Variants in MAST2 observed in about 807,000 individuals in gnomAD.
MAST2 encodes microtubule associated serine/threonine kinase 2, also known as microtubule-associated serine/threonine-protein kinase 2.
A neutral mutation model predicts 147.4 loss-of-function variants in MAST2; 70 were observed. The observed-to-expected ratio is 0.47, with a 90% CI of 0.39 to 0.58. MAST2 has a LOEUF of 0.58. Ranked by LOEUF, MAST2 falls within the 20% of genes least tolerant of loss-of-function variation. The pLI is 0.00. For synonymous variants in MAST2, 869 were observed against 896.8 expected, an observed-to-expected ratio of 0.97 and a Z score of 0.55; for missense variants, 2,080 against 2,302.3, an observed-to-expected ratio of 0.90 and a Z score of 1.98.
At chr1:45,866,465 A>T (rs530170398) in intron 3 of MAST2, among the ~76,000 whole-genome samples, 1 of 152,288 alleles carries the variant, frequency 6.6e-6, no homozygotes, top group South Asian at 2.1e-4. Flanking sequence ...ATTTAGTTGC[A>T]CTGCTTATTT....
At chr1:45,905,991 G>A (rs1650658910) in intron 4 of MAST2, among the ~76,000 whole-genome samples, 1 of 152,156 alleles carries the variant, frequency 6.6e-6, no homozygotes, top group South Asian at 2.1e-4. Flanking sequence ...ATTTTATTGA[G>A]TGTATACTGG....
In MAST2 at chr1:46,030,706, G is replaced by A. The variant is rs371392889; in HGVS notation, c.2653G>A (p.Gly885Ser). ...TGAGGAGAAGGAGGACCATTCAGAT[G>A]GCCTGGCAGGGCTCAAAGGCCGAGA... ...LSEEKEDHSD[G>S]LAGLKGRDRS... The change falls in exon 22 of 29, where the codon GGC (glycine) becomes AGC (serine). Residue 885 changes from glycine (G) to serine (S), a missense_variant. This residue lies in a region of MAST2 where 1,278 missense variants were observed against 1,304.2 expected (regional missense o/e 0.98). Transcript: ENST00000361297. 1 of 1,603,616 alleles carries A rather than the reference G, an allele frequency of 6.2e-7. No individual in the cohort carries two copies. Among genetic ancestry groups the A allele is most frequent in the East Asian group, 2.2e-5 (1 of 44,718 alleles).
At position 46,030,204 on chromosome 1, in the gene MAST2, G is replaced by A. The variant is rs771373233; in HGVS notation, c.2519G>A (p.Arg840His). The part of the protein sequence containing the change: ...EVSEDGCLEI[R>H]QFSSCSPRFN... ...AGTGAGGATGGCTGCCTTGAGATCC[G>A]CCAGTTCTCTTCCTGCTCTCCAAGG... The change falls in exon 21 of 29, where the codon CGC becomes CAC. Residue 840 changes from arginine (R) to histidine (H), a missense_variant. By Grantham distance (29) the Arg-to-His change is conservative. This residue lies in a region of MAST2 where 1,278 missense variants were observed against 1,304.2 expected (regional missense o/e 0.98). Transcript: ENST00000361297. 4.8e-5 allele frequency: 78 copies of A among 1,614,034 alleles called. No homozygotes were observed. Among genetic ancestry groups the A allele is most frequent in the African/African-American group, 6.7e-5 (5 of 74,936 alleles).
At chr1:45,935,751 C>T (rs1179200175) in intron 4 of MAST2, among the ~76,000 whole-genome samples, 2 of 152,154 alleles carry the variant, frequency 1.3e-5, no homozygotes, top group Non-Finnish European at 2.9e-5. Context: ...GTCTGTTTGT[C>T]TGGTTTTGTA....
chr1:45,939,427 T>G (rs559533717), intron 4 of MAST2, among the ~76,000 whole-genome samples: 2 of 152,318 alleles, frequency 1.3e-5, no homozygotes, highest in African/African-American at 4.8e-5. Context: ...TATACTAAGT[T>G]TTGAAATCAG....
Position 45,829,447 on chromosome 1 carries a change from C to A in MAST2, c.334C>A (p.Leu112Met). The change falls in exon 3 of 29, where the codon CTG becomes ATG. Residue 112 changes from leucine (L) to methionine (M), a missense_variant. Leu to Met is a conservative substitution (Grantham distance 15, BLOSUM62 2). Coordinates refer to ENST00000361297, the MANE Select transcript of MAST2 (RefSeq NM_015112.3). ...NLASSLSGKQLLPLSSSVHSS... is the reference protein window; with the variant it reads ...NLASSLSGKQMLPLSSSVHSS... ...AAACCTTGTATTTGAAGGTAAGCAG[C>A]TGCTCCCTTTGTCCAGCAGTGTACA... The A allele has an allele frequency of 6.2e-7, 1 of 1,609,374 alleles. No homozygotes were observed. The highest frequency in any genetic ancestry group is 8.5e-7 in the Non-Finnish European group (1 of 1,178,202).
chr1:45,806,230 G>T (rs575827834), intron 1 of MAST2, among the ~76,000 whole-genome samples: 5 of 152,214 alleles, frequency 3.3e-5, no homozygotes, highest in African/African-American at 1.2e-4. Flanking sequence ...CTATAGATTT[G>T]TTTTGAACTA....
intron 16 of MAST2, 81 bp downstream of exon 16, chr1:46,025,896 A>G: frequency 1.3e-6 from 2 of 1,559,960 alleles, no homozygotes; most frequent in Non-Finnish European, 1.8e-6. Flanking sequence ...CAGTAGCTCT[A>G]AATCTATCCA....
rs756448063 is a variant in MAST2 at position 46,035,180 on chromosome 1, C to T, written c.4511C>T (p.Ser1504Leu). The T allele has an allele frequency of 1.2e-6, 2 of 1,614,010 alleles. No individual in the cohort carries two copies. Among genetic ancestry groups the T allele is most frequent in the South Asian group, 2.2e-5 (2 of 91,084 alleles). The change falls in exon 29 of 29, where the codon TCA (serine) becomes TTA (leucine). Residue 1504 changes from serine to leucine, a missense_variant. Transcript: ENST00000361297. The surrounding 1 kb of genome is among the most constrained non-coding windows in gnomAD (Gnocchi z 5.5). ...KQEAIREVDS[S>L]EDDTEEGPEN... ...GAAGCCATTCGTGAGGTGGACTCCTCAGAGGACGACACCGAGGAAGGGCCT... is the reference window on the plus strand; with the variant it reads ...GAAGCCATTCGTGAGGTGGACTCCTTAGAGGACGACACCGAGGAAGGGCCT...
chr1:45,940,337 G>A lies in MAST2; in HGVS notation c.501-19049G>A, dbSNP rs552964311. Among the ~76,000 whole-genome samples the A allele has an allele frequency of 3.9e-5, 6 of 152,018 alleles. No homozygotes were observed. The East Asian group carries it at 1.2e-3, about 29-fold the overall frequency. On this transcript the variant is annotated intron_variant, in intron 4 of 28. Transcript: ENST00000361297. Reference sequence around the variant, plus strand: ...TTCTTTTAGTGTTTCATAGTTTTCAGCATACAAGTCTCATACTTCTTTTGT... The same window carrying A: ...TTCTTTTAGTGTTTCATAGTTTTCAACATACAAGTCTCATACTTCTTTTGT...
chr1:46,008,459 A>G (rs963716675), intron 9 of MAST2, 88 bp downstream of exon 9: 13 of 826,022 alleles, frequency 1.6e-5, no homozygotes, highest in Admixed American at 6.1e-5. Flanking sequence ...GAGTGAAGGA[A>G]TGAAGTGCTA....
rs1646254461 is a variant in MAST2, at chr1:46,023,031, A to G, written c.1485+60A>G. 5 of 1,502,644 alleles carry G rather than the reference A, an allele frequency of 3.3e-6. No homozygotes were observed. The highest frequency in any genetic ancestry group is 2.3e-5 in the East Asian group (1 of 44,342). 93.1% of individuals were successfully genotyped at this position (1,502,644 alleles called of 1,614,324 possible). On this transcript the variant is annotated intron_variant, in intron 13 of 28. Transcript: ENST00000361297. The surrounding 1 kb of genome is among the most constrained non-coding windows in gnomAD (Gnocchi z 4.9). Reference sequence around the variant, plus strand: ...CCTGGGCCCTATGAAGCAAAGAGCTATGAATTCTCTTTAAGAGAATATCTG... The same window carrying G: ...CCTGGGCCCTATGAAGCAAAGAGCTGTGAATTCTCTTTAAGAGAATATCTG...
intron 7 of MAST2, among the ~76,000 whole-genome samples, chr1:46,004,942 C>T (rs1272009361): frequency 1.3e-5 from 2 of 152,172 alleles, no homozygotes; most frequent in Non-Finnish European, 2.9e-5. Context: ...TGGCATGCAC[C>T]TGCAGTTTCA....
chr1:45,998,348 GCCATGCTTACAGTCCTCCTC>G (rs1645139996), intron 6 of MAST2, among the ~76,000 whole-genome samples: 1 of 152,306 alleles, frequency 6.6e-6, no homozygotes, highest in Non-Finnish European at 1.5e-5. Context: ...TGCATACAGA[GCCATGCTTACAGTCCTCCTC>G]CCATGTTTCT....
intron 3 of MAST2, among the ~76,000 whole-genome samples, chr1:45,850,452 C>G (rs963261155): frequency 7.2e-5 from 11 of 152,068 alleles, no homozygotes; most frequent in Non-Finnish European, 1.3e-4. Flanking sequence ...TAATTAGGTC[C>G]CACTTGACAA....
chr1:45,977,022 C>CGT (rs1336627495), intron 5 of MAST2, among the ~76,000 whole-genome samples: 1 of 152,112 alleles, frequency 6.6e-6, no homozygotes, highest in Admixed American at 6.5e-5. Flanking sequence ...AATTGGAAAA[C>CGT]GTGGCTCTTC....
intron 15 of MAST2, chr1:46,024,390 T>G (rs1646315084): frequency 4.2e-6 from 1 of 235,854 alleles, no homozygotes; most frequent in Non-Finnish European, 8.5e-6. Flanking sequence ...GGACACCCCT[T>G]AAAACCAAGC....
chr1:45,846,480 A>G (rs1178788458), intron 3 of MAST2, among the ~76,000 whole-genome samples: 2 of 152,168 alleles, frequency 1.3e-5, no homozygotes, highest in African/African-American at 2.4e-5. Flanking sequence ...GATCACGTCT[A>G]TCTATTTTAG....
intron 3 of MAST2, among the ~76,000 whole-genome samples, chr1:45,876,416 T>C (rs1051965785): frequency 1.3e-5 from 2 of 152,192 alleles, no homozygotes; most frequent in Non-Finnish European, 2.9e-5. Flanking sequence ...TTCAGAATGC[T>C]AATCAGGAAG....
Sources: gnomAD v4.1 joint callset for allele counts (sites outside exome capture counted in the v4.1 genomes callset) on GRCh38, gnomAD v4.1.1 for gene constraint, gnomAD v4.1.1 regional missense constraint, Gnocchi (gnomAD v3.1) non-coding constraint, MANE v1.5 for transcripts, NCBI Gene and HGNC (gene_info 2026-07-23, HGNC 2026-07-21) for gene names.